The following SLC4A10 variants were observed in gnomAD, a reference collection of about 807,000 sequenced individuals.
SLC4A10 encodes the protein solute carrier family 4 member 10, also known as sodium-driven chloride bicarbonate exchanger.
Under a neutral mutation model 137.7 loss-of-function variants are expected in SLC4A10, and 42 were observed. The observed-to-expected ratio is 0.30, with a 90% CI of 0.24 to 0.39. SLC4A10 has a LOEUF of 0.39. Ranked by LOEUF, SLC4A10 falls within the 10% of genes least tolerant of loss-of-function variation. SLC4A10 has a pLI of 1.00. For missense variants in SLC4A10, 925 were observed against 1,355.0 expected, an observed-to-expected ratio of 0.68 and a Z score of 4.98; for synonymous variants, 474 against 464.1, an observed-to-expected ratio of 1.02 and a Z score of -0.27.
intron 1 of SLC4A10, among the ~76,000 whole-genome samples, chr2:161,728,137 C>T (rs1384919594): frequency 2.6e-5 from 4 of 152,136 alleles, no homozygotes; most frequent in African/African-American, 7.2e-5. Context: ...AGTCTATGTA[C>T]ATAAATCTGT....
intron 1 of SLC4A10, among the ~76,000 whole-genome samples, chr2:161,645,862 T>C (rs75081352): frequency 6.6e-6 from 1 of 152,068 alleles, no homozygotes; most frequent in East Asian, 1.9e-4. Flanking sequence ...TTGTTCACTT[T>C]TGAGAATCTG....
At chr2:161,882,559 A>T (rs1293305077) in intron 10 of SLC4A10, 115 bp downstream of exon 10, 12 of 532,192 alleles carry the variant, frequency 2.3e-5, no homozygotes, top group Non-Finnish European at 3.5e-5. Flanking sequence ...ATTGAATCCC[A>T]TTCTCCCATG....
At chr2:161,978,898 A>G (rs1446115533) in intron 26 of SLC4A10, among the ~76,000 whole-genome samples, 1 of 152,182 alleles carries the variant, frequency 6.6e-6, no homozygotes, top group African/African-American at 2.4e-5. Flanking sequence ...ACATGCTTTA[A>G]CTTCCTTTCT....
chr2:161,708,624 T>G, intron 1 of SLC4A10: 1 of 1,413,714 alleles, frequency 7.1e-7, no homozygotes, highest in South Asian at 1.5e-5. Context: ...GTATATGTGA[T>G]TTGATATCTT....
intron 3 of SLC4A10, among the ~76,000 whole-genome samples, chr2:161,816,480 CT>C (rs61326266): frequency 6.6e-6 from 1 of 151,606 alleles, no homozygotes; most frequent in Non-Finnish European, 1.5e-5. Context: ...TTTGGGCACT[CT>C]TTTTTTTATT....
chr2:161,883,887 A>T (rs1433855345), intron 10 of SLC4A10, among the ~76,000 whole-genome samples: 1 of 152,166 alleles, frequency 6.6e-6, no homozygotes, highest in African/African-American at 2.4e-5. Context: ...GCCCATCCTA[A>T]TTCAGGATAA....
intron 3 of SLC4A10, among the ~76,000 whole-genome samples, chr2:161,809,127 T>C (rs1196576496): frequency 6.6e-6 from 1 of 152,154 alleles, no homozygotes; most frequent in African/African-American, 2.4e-5. Context: ...TGACATGGTA[T>C]CTCATTGTGG....
intron 12 of SLC4A10, 102 bp from the exon 13 acceptor site, chr2:161,903,902 T>C (rs1232498635): frequency 2.5e-6 from 3 of 1,201,410 alleles, no homozygotes; most frequent in Non-Finnish European, 3.4e-6. Flanking sequence ...CCTCTGCTGA[T>C]GGAAAACGTA....
At chr2:161,733,007 G>A (rs1486804745) in intron 1 of SLC4A10, among the ~76,000 whole-genome samples, 1 of 152,156 alleles carries the variant, frequency 6.6e-6, no homozygotes, top group Non-Finnish European at 1.5e-5. Flanking sequence ...GGTGACTTGG[G>A]TGTCGTTGAA....
chr2:161,652,149 C>T (rs1164167807), intron 1 of SLC4A10, among the ~76,000 whole-genome samples: 3 of 152,196 alleles, frequency 2.0e-5, no homozygotes, highest in Non-Finnish European at 4.4e-5. Flanking sequence ...AGGGGAAGCT[C>T]CACCTCCAGG....
chr2:161,801,970 T>C (rs2055415075), intron 2 of SLC4A10, among the ~76,000 whole-genome samples: 1 of 152,118 alleles, frequency 6.6e-6, no homozygotes, highest in African/African-American at 2.4e-5. Context: ...TATAACTTAA[T>C]ATTGTGGTCA....
intron 4 of SLC4A10, 59 bp from the exon 5 acceptor site, chr2:161,854,911 T>C: frequency 6.9e-7 from 1 of 1,459,126 alleles, no homozygotes; most frequent in Non-Finnish European, 9.2e-7. Context: ...ATTTTTGGTA[T>C]AAAGGATCAT....
In SLC4A10 at chr2:161,904,055, G is replaced by T. The variant is rs781388732; in HGVS notation, c.1494G>T (p.Trp498Cys). The T allele has an allele frequency of 6.3e-6, 10 of 1,598,662 alleles. No homozygotes were observed. The South Asian group carries it at 6.8e-5, about 11-fold the overall frequency. Reference sequence around the variant, plus strand: ...TCAAAAGAAAAGCTCCATACTTCTGGAGTGACTTCAGAGATGCTTTCAGCC... The same window carrying T: ...TCAAAAGAAAAGCTCCATACTTCTGTAGTGACTTCAGAGATGCTTTCAGCC... Reference protein sequence around the residue: ...LDIKRKAPYFWSDFRDAFSLQ... With the variant: ...LDIKRKAPYFCSDFRDAFSLQ... The change falls in exon 13 of 27, where the codon TGG (tryptophan) becomes TGT (cysteine). Residue 498 changes from tryptophan to cysteine, a missense_variant. Trp to Cys is a radical substitution (Grantham distance 215). Coordinates refer to ENST00000446997, the MANE Select transcript of SLC4A10 (RefSeq NM_001178015.2).
At chr2:161,769,218 T>C (rs544296336) in intron 1 of SLC4A10, among the ~76,000 whole-genome samples, 2 of 152,022 alleles carry the variant, frequency 1.3e-5, no homozygotes, top group South Asian at 4.1e-4. Flanking sequence ...AGCGGGCCCA[T>C]ATCAATAAAG....
intron 16 of SLC4A10, among the ~76,000 whole-genome samples, chr2:161,944,335 A>T (rs1693308354): frequency 6.6e-6 from 1 of 151,792 alleles, no homozygotes; most frequent in Non-Finnish European, 1.5e-5. Context: ...TGAAAACCCA[A>T]ATGATCCCAT....
intron 10 of SLC4A10, among the ~76,000 whole-genome samples, chr2:161,886,090 C>A (rs1489831093): frequency 6.6e-6 from 1 of 152,112 alleles, no homozygotes; most frequent in Non-Finnish European, 1.5e-5. Context: ...TAGAGCCAGA[C>A]CTTGTCTCAA....
intron 1 of SLC4A10, among the ~76,000 whole-genome samples, chr2:161,644,068 C>CTT (rs5835873): frequency 0.1 from 14,951 of 143,516 alleles, 773 homozygotes; most frequent in East Asian, 0.15. Flanking sequence ...GGCTTCTAAT[C>CTT]TTTTTTTTTT....
At chr2:161,717,178 C>T (rs1311856814) in intron 1 of SLC4A10, among the ~76,000 whole-genome samples, 3 of 152,170 alleles carry the variant, frequency 2.0e-5, no homozygotes, top group African/African-American at 7.2e-5. Flanking sequence ...AGTTGCTTAT[C>T]TGCTTAAGAA....
chr2:161,643,167 A>G (rs2035541905), intron 1 of SLC4A10, among the ~76,000 whole-genome samples: 1 of 152,090 alleles, frequency 6.6e-6, no homozygotes, highest in African/African-American at 2.4e-5. Flanking sequence ...GAATTAAATC[A>G]TGTTTCTTTG....
Sources: allele counts gnomAD v4.1 joint callset (sites outside exome capture counted in the v4.1 genomes callset), GRCh38; gene constraint gnomAD v4.1.1; transcripts MANE v1.5; gene names NCBI Gene and HGNC (gene_info 2026-07-23, HGNC 2026-07-21).